Variants in SGCZ observed in about 807,000 individuals in gnomAD.
SGCZ encodes zeta-sarcoglycan.
A neutral mutation model predicts 41.3 loss-of-function variants in SGCZ; 40 were observed. The ratio of observed to expected loss-of-function variants is 0.97; its 90% confidence interval spans 0.75 to 1.26. The LOEUF is 1.26. Among genes scored for constraint, SGCZ ranks in the 50% most tolerant of loss-of-function variants. SGCZ has a pLI of 0.00. For missense variants in SGCZ, 552 were observed against 369.8 expected (o/e 1.49, Z -4.04); for synonymous variants, 206 against 137.5 (o/e 1.50, Z -3.49).
chr8:14,249,820 G>T (rs1387049215), intron 3 of SGCZ, among the ~76,000 whole-genome samples: 1 of 152,042 alleles, frequency 6.6e-6, no homozygotes, highest in African/African-American at 2.4e-5. Flanking sequence ...TACACTAATG[G>T]AAGATAAACC....
chr8:14,524,996 A>C (rs879537446), intron 2 of SGCZ, among the ~76,000 whole-genome samples: 2 of 152,076 alleles, frequency 1.3e-5, no homozygotes, highest in Non-Finnish European at 2.9e-5. Context: ...CCTCACCACT[A>C]TTCTGACTAG....
intron 2 of SGCZ, among the ~76,000 whole-genome samples, chr8:14,436,233 G>A (rs937395737): frequency 6.6e-6 from 1 of 152,160 alleles, no homozygotes; most frequent in African/African-American, 2.4e-5. Flanking sequence ...TCGTGGCACA[G>A]ACCCTGGCGA....
In SGCZ at chr8:14,531,442, C is replaced by T. The variant is rs182528609; in HGVS notation, c.234+23290G>A. 2.4e-3 allele frequency among the ~76,000 whole-genome samples: 367 copies of T among 152,084 alleles called. 1 individual carries two copies. The highest frequency in any genetic ancestry group is 3.9e-3 in the Non-Finnish European group (263 of 67,990). On this transcript the variant is annotated intron_variant, in intron 2 of 7. Coordinates refer to ENST00000382080, the MANE Select transcript of SGCZ (RefSeq NM_139167.4). ...ATGAAAAACCTGTAACATTCCCTCC[C>T]GCTTGCTGAGCTACCAGAGTGAAGA...
At chr8:14,879,819 G>A (rs1438827679) in intron 1 of SGCZ, 3 of 151,482 alleles carry the variant, frequency 2.0e-5, no homozygotes, top group Non-Finnish European at 4.4e-5. Context: ...AAAAAGTTGG[G>A]TTTTTGTTTT....
At chr8:15,065,124 G>A (rs145030725) in intron 1 of SGCZ, among the ~76,000 whole-genome samples, 45 of 152,094 alleles carry the variant, frequency 3.0e-4, no homozygotes, top group African/African-American at 1.0e-3. Context: ...CTGCCTTCCT[G>A]CATCCATGTA....
chr8:14,089,454 A>G lies in SGCZ; in HGVS notation c.*989T>C, dbSNP rs1381051012. Among the ~76,000 whole-genome samples the G allele has an allele frequency of 6.6e-6, 1 of 152,058 alleles. No homozygotes were observed. Among genetic ancestry groups the G allele is most frequent in the Non-Finnish European group, 1.5e-5 (1 of 67,956 alleles). ...AGAGAATTTATTCTCAGCATTATGCATCATATTAGTATTATTTATTTAGAA... is the reference window on the plus strand; with the variant it reads ...AGAGAATTTATTCTCAGCATTATGCGTCATATTAGTATTATTTATTTAGAA... On this transcript the variant is annotated 3_prime_UTR_variant, in exon 8 of 8. Transcript: ENST00000382080.
chr8:14,610,284 G>A (rs981483490), intron 1 of SGCZ, among the ~76,000 whole-genome samples: 11 of 152,132 alleles, frequency 7.2e-5, no homozygotes, highest in Non-Finnish European at 1.3e-4. Flanking sequence ...TTTTCTCCCT[G>A]AAAACAGGAG....
At chr8:14,689,650 A>G (rs1808734318) in intron 1 of SGCZ, among the ~76,000 whole-genome samples, 1 of 152,180 alleles carries the variant, frequency 6.6e-6, no homozygotes, top group African/African-American at 2.4e-5. Context: ...CCCTACAGAA[A>G]TCTGTTATAA....
intron 1 of SGCZ, among the ~76,000 whole-genome samples, chr8:14,618,971 T>C: frequency 6.6e-6 from 1 of 152,122 alleles, no homozygotes; most frequent in South Asian, 2.1e-4. Flanking sequence ...ATCGAAGAAA[T>C]CTAGTTTTCT....
intron 1 of SGCZ, among the ~76,000 whole-genome samples, chr8:14,706,934 A>C (rs1188348199): frequency 6.6e-6 from 1 of 151,920 alleles, no homozygotes; most frequent in African/African-American, 2.4e-5. Flanking sequence ...ATTTAGAAGA[A>C]AATTTTCAGA....
chr8:14,413,254 C>T (rs1227237533), intron 2 of SGCZ, among the ~76,000 whole-genome samples: 1 of 151,956 alleles, frequency 6.6e-6, no homozygotes, highest in East Asian at 1.9e-4. Flanking sequence ...TGTAATTATT[C>T]AATCGACAAA....
intron 4 of SGCZ, among the ~76,000 whole-genome samples, chr8:14,173,105 G>A (rs574906105): frequency 1.8e-4 from 28 of 152,090 alleles, no homozygotes; most frequent in Admixed American, 1.6e-3. Context: ...AGTCTAGAAA[G>A]TCTAAAATCA....
chr8:14,543,047 A>G (rs1803518489), intron 2 of SGCZ, among the ~76,000 whole-genome samples: 1 of 151,936 alleles, frequency 6.6e-6, no homozygotes, highest in Non-Finnish European at 1.5e-5. Context: ...TGTTATATTG[A>G]CTGGTTTTAC....
chr8:14,220,362 T>G (rs1481844444), intron 4 of SGCZ, among the ~76,000 whole-genome samples: 1 of 151,994 alleles, frequency 6.6e-6, no homozygotes, highest in Non-Finnish European at 1.5e-5. Context: ...GTATCATATG[T>G]GAATTTATTT....
At chr8:15,140,288 G>C (rs1187269986) in intron 1 of SGCZ, among the ~76,000 whole-genome samples, 1 of 152,108 alleles carries the variant, frequency 6.6e-6, no homozygotes, top group Non-Finnish European at 1.5e-5. Flanking sequence ...GCCTCCCAAA[G>C]TGCTGGAATA....
At chr8:14,808,606 A>G (rs1034861532) in intron 1 of SGCZ, among the ~76,000 whole-genome samples, 1 of 152,190 alleles carries the variant, frequency 6.6e-6, no homozygotes, top group Non-Finnish European at 1.5e-5. Context: ...ATGTGGAGAA[A>G]TAGGAACACT....
At chr8:15,132,177 A>G (rs1471850087) in intron 1 of SGCZ, among the ~76,000 whole-genome samples, 2 of 152,154 alleles carry the variant, frequency 1.3e-5, no homozygotes, top group Non-Finnish European at 2.9e-5. Flanking sequence ...ATTGCCATTT[A>G]TTTAGCAAGA....
intron 1 of SGCZ, among the ~76,000 whole-genome samples, chr8:14,757,623 T>TG (rs1799720979): frequency 6.6e-6 from 1 of 152,288 alleles, no homozygotes; most frequent in African/African-American, 2.4e-5. Context: ...TTGTTCTGAG[T>TG]ACCGGGTAGC....
chr8:14,995,600 T>G (rs1802189214), intron 1 of SGCZ, among the ~76,000 whole-genome samples: 1 of 152,188 alleles, frequency 6.6e-6, no homozygotes, highest in Non-Finnish European at 1.5e-5. Flanking sequence ...CATGTCATAA[T>G]GCACAGGGAA....
Sources: allele counts gnomAD v4.1 joint callset (sites outside exome capture counted in the v4.1 genomes callset), GRCh38; gene constraint gnomAD v4.1.1; transcripts MANE v1.5; gene names NCBI Gene and HGNC (gene_info 2026-07-23, HGNC 2026-07-21).